Variants in ROBO1 observed in about 807,000 individuals in gnomAD.
ROBO1 encodes the protein roundabout homolog 1.
In ROBO1, 149 loss-of-function variants were observed where a neutral mutation model predicts 195.9. The observed-to-expected ratio is 0.76, with a 90% CI of 0.67 to 0.87. The LOEUF (loss-of-function observed/expected upper bound fraction) is 0.87. Among genes scored for constraint, ROBO1 ranks in the 40% least tolerant of loss-of-function variants. The pLI, the probability that ROBO1 is intolerant of heterozygous loss-of-function variation, is 0.00. For missense variants in ROBO1, 1,933 were observed against 2,068.3 expected, an observed-to-expected ratio of 0.93 and a Z score of 1.27; for synonymous variants, 816 against 733.2, an observed-to-expected ratio of 1.11 and a Z score of -1.82.
Position 78,611,774 on chromosome 3 carries a change from C to T in ROBO1, c.4435+2874G>A, listed in dbSNP as rs750407681. On this transcript the variant is annotated intron_variant, in intron 28 of 30. Coordinates refer to ENST00000464233, the MANE Select transcript of ROBO1 (RefSeq NM_002941.4). Reference sequence around the variant, plus strand: ...GGTAATGAAGTTAAAATGAGGTCACCGGGGTAGGTCCTAATCCATAACTGA... The same window carrying T: ...GGTAATGAAGTTAAAATGAGGTCACTGGGGTAGGTCCTAATCCATAACTGA... Among the ~76,000 whole-genome samples, 17 of 152,198 alleles carry T rather than the reference C, an allele frequency of 1.1e-4. 1 individual carries two copies. The highest frequency in any genetic ancestry group is 1.0e-4 in the Non-Finnish European group (7 of 68,002).
At position 78,810,202 on chromosome 3, in the gene ROBO1, A is replaced by T. The variant is rs977434398; in HGVS notation, c.500-63302T>A. On this transcript the variant is annotated intron_variant, in intron 4 of 30. Transcript: ENST00000464233. ...CTTGCAAACTAGGTTTTTATGTGAAACTCTAATAAAACAGCAGCAGATGTT... is the reference window on the plus strand; with the variant it reads ...CTTGCAAACTAGGTTTTTATGTGAATCTCTAATAAAACAGCAGCAGATGTT... Among the ~76,000 whole-genome samples, 4 of 152,072 alleles carry T rather than the reference A, an allele frequency of 2.6e-5. No individual in the cohort carries two copies. The East Asian group carries it at 7.7e-4, about 29-fold the overall frequency.
At chr3:78,841,587 T>A (rs2033204907) in intron 4 of ROBO1, among the ~76,000 whole-genome samples, 2 of 152,102 alleles carry the variant, frequency 1.3e-5, no homozygotes, top group South Asian at 2.1e-4. Flanking sequence ...GCCCTGGGCA[T>A]AGGGAAGGCC....
chr3:79,340,653 AC>A (rs543879252), intron 2 of ROBO1, among the ~76,000 whole-genome samples: 30 of 152,272 alleles, frequency 2.0e-4, no homozygotes, highest in African/African-American at 6.7e-4. Context: ...CCTTGGTACC[AC>A]CCTTTACTGT....
intron 2 of ROBO1, among the ~76,000 whole-genome samples, chr3:79,421,391 AAGAG>A (rs2038217767): frequency 6.6e-6 from 1 of 152,048 alleles, no homozygotes; most frequent in African/African-American, 2.4e-5. Context: ...AAAAAAAAAA[AAGAG>A]AGACCTTACA....
chr3:78,712,736 A>G (rs1247675259), intron 8 of ROBO1, among the ~76,000 whole-genome samples: 1 of 152,202 alleles, frequency 6.6e-6, no homozygotes, highest in African/African-American at 2.4e-5. Flanking sequence ...CCAGGCTTAG[A>G]GAGCAAGATT....
intron 1 of ROBO1, among the ~76,000 whole-genome samples, chr3:79,637,078 C>T (rs1280376079): frequency 1.3e-5 from 2 of 152,166 alleles, no homozygotes; most frequent in Non-Finnish European, 2.9e-5. Context: ...CTAATTTCAA[C>T]AGCCCAATAA....
intron 2 of ROBO1, among the ~76,000 whole-genome samples, chr3:79,570,557 C>T (rs1943245396): frequency 6.6e-6 from 1 of 151,948 alleles, no homozygotes; most frequent in Non-Finnish European, 1.5e-5. Flanking sequence ...AGAAAAATTT[C>T]ATACAAGTTA....
chr3:79,503,059 C>T (rs1265957588), intron 2 of ROBO1, among the ~76,000 whole-genome samples: 1 of 152,158 alleles, frequency 6.6e-6, no homozygotes, highest in Non-Finnish European at 1.5e-5. Context: ...TCTCTTTCCA[C>T]ACTGTGAAAG....
intron 3 of ROBO1, among the ~76,000 whole-genome samples, chr3:78,940,240 C>G (rs992323518): frequency 6.6e-6 from 1 of 152,050 alleles, no homozygotes; most frequent in South Asian, 2.1e-4. Flanking sequence ...CTCTGCTTAG[C>G]CTCATCTATA....
intron 4 of ROBO1, among the ~76,000 whole-genome samples, chr3:78,816,514 A>G (rs2029926254): frequency 6.6e-6 from 1 of 152,166 alleles, no homozygotes; most frequent in African/African-American, 2.4e-5. Flanking sequence ...GTAAGGCTAT[A>G]TAGCTGCCAT....
chr3:78,980,498 A>C (rs533084812), intron 3 of ROBO1, among the ~76,000 whole-genome samples: 5 of 152,312 alleles, frequency 3.3e-5, no homozygotes, highest in Non-Finnish European at 7.4e-5. Flanking sequence ...CTTTTCCAAC[A>C]GGAGAATATT....
chr3:78,611,058 G>A (rs1045013627), intron 28 of ROBO1, among the ~76,000 whole-genome samples: 3 of 152,088 alleles, frequency 2.0e-5, no homozygotes, highest in Non-Finnish European at 4.4e-5. Flanking sequence ...TAGACTTCAT[G>A]TAATCTTATA....
intron 4 of ROBO1, among the ~76,000 whole-genome samples, chr3:78,841,611 C>T (rs549126026): frequency 5.3e-5 from 8 of 151,802 alleles, no homozygotes; most frequent in African/African-American, 1.9e-4. Context: ...CTAACAAAAG[C>T]TAGATCCATA....
chr3:79,273,735 G>A (rs1330661419), intron 2 of ROBO1, among the ~76,000 whole-genome samples: 1 of 149,866 alleles, frequency 6.7e-6, no homozygotes, highest in African/African-American at 2.5e-5. Flanking sequence ...AAAAAAAAAA[G>A]ACTCAACAAT....
At chr3:79,700,311 GTGTGTT>G (rs1325401913) in intron 1 of ROBO1, among the ~76,000 whole-genome samples, 84 of 90,154 alleles carry the variant, frequency 9.3e-4, no homozygotes, top group African/African-American at 3.5e-3. Flanking sequence ...GTTTGTGTGT[GTGTGTT>G]TGTGTGTGTG....
At chr3:79,722,875 CAG>C (rs1470740349) in intron 1 of ROBO1, among the ~76,000 whole-genome samples, 1 of 152,092 alleles carries the variant, frequency 6.6e-6, no homozygotes, top group Non-Finnish European at 1.5e-5. Context: ...GGATGCCAGG[CAG>C]AGAGGTCACA....
chr3:79,063,251 A>T (rs1158738874), intron 3 of ROBO1, among the ~76,000 whole-genome samples: 4 of 151,736 alleles, frequency 2.6e-5, no homozygotes, highest in African/African-American at 7.3e-5. Flanking sequence ...CTTGACCTCT[A>T]CTCTGACTCC....
At chr3:78,961,249 A>C (rs1405972750) in intron 3 of ROBO1, among the ~76,000 whole-genome samples, 1 of 150,146 alleles carries the variant, frequency 6.7e-6, no homozygotes. Flanking sequence ...TTTTCATACA[A>C]AAAAAATTTG....
chr3:79,415,593 G>A (rs1040539807), intron 2 of ROBO1, among the ~76,000 whole-genome samples: 1 of 152,068 alleles, frequency 6.6e-6, no homozygotes, highest in African/African-American at 2.4e-5. Context: ...TTCAGTTCAG[G>A]CCCTGGAAAG....
Sources: gnomAD v4.1 joint callset for allele counts (sites outside exome capture counted in the v4.1 genomes callset) on GRCh38, gnomAD v4.1.1 for gene constraint, MANE v1.5 for transcripts, NCBI Gene and HGNC (gene_info 2026-07-23, HGNC 2026-07-21) for gene names.